PLAC1: variants seen among roughly 807,000 people sequenced by gnomAD.
The protein encoded by PLAC1 is placenta associated 1, also known as placenta-specific protein 1.
For synonymous variants in PLAC1, 68 were observed against 62.1 expected, an observed-to-expected ratio of 1.09 and a Z score of -0.44; for missense variants, 136 against 163.2, an observed-to-expected ratio of 0.83 and a Z score of 0.91.
intron 2 of PLAC1, among the ~76,000 whole-genome samples, chrX:134,700,498 A>G (rs749635375): frequency 1.8e-5 from 2 of 111,871 alleles, no homozygotes; most frequent in East Asian, 5.6e-4. Flanking sequence ...AAGAAGTCAA[A>G]CTATCTCTCT....
chrX:134,585,525 T>C (rs2077996037), intron 2 of PLAC1, among the ~76,000 whole-genome samples: 1 of 110,539 alleles, frequency 9.0e-6, no homozygotes, highest in African/African-American at 3.3e-5. Context: ...TATCTGTGAG[T>C]TGCTCTTTAT....
chrX:134,667,210 G>A (rs1165163499), intron 2 of PLAC1, among the ~76,000 whole-genome samples: 1 of 112,042 alleles, frequency 8.9e-6, no homozygotes, highest in African/African-American at 3.2e-5. Context: ...CTGCTTCAAA[G>A]CACACAACCA....
At chrX:134,689,617 T>C (rs536891851) in intron 2 of PLAC1, among the ~76,000 whole-genome samples, 4 of 111,151 alleles carry the variant, frequency 3.6e-5, no homozygotes, top group African/African-American at 1.3e-4. Context: ...ACTGACAGAG[T>C]TGGGAGACCT....
intron 2 of PLAC1, among the ~76,000 whole-genome samples, chrX:134,574,246 A>C (rs1272177777): frequency 9.0e-6 from 1 of 111,644 alleles, no homozygotes; most frequent in Non-Finnish European, 1.9e-5. Context: ...TCCTTTAAAA[A>C]TGGGGTCTTG....
At chrX:134,710,481 G>C (rs1202253353) in intron 2 of PLAC1, among the ~76,000 whole-genome samples, 1 of 111,760 alleles carries the variant, frequency 8.9e-6, no homozygotes, top group African/African-American at 3.2e-5. Context: ...ACATACTCTA[G>C]AGAAATTCCA....
At chrX:134,586,721 A>G (rs1602803343) in intron 2 of PLAC1, among the ~76,000 whole-genome samples, 1 of 87,287 alleles carries the variant, frequency 1.1e-5, no homozygotes, top group Non-Finnish European at 2.1e-5. Flanking sequence ...CCCAGGCTGG[A>G]GTGCAATGGC....
intron 1 of PLAC1, among the ~76,000 whole-genome samples, chrX:134,753,802 G>A (rs905428593): frequency 9.0e-6 from 1 of 111,520 alleles, no homozygotes; most frequent in African/African-American, 3.3e-5. Context: ...ACAAAGTGTT[G>A]AATCACACTC....
intron 2 of PLAC1, among the ~76,000 whole-genome samples, chrX:134,591,343 T>C (rs1055126567): frequency 6.2e-5 from 7 of 112,432 alleles, no homozygotes; most frequent in African/African-American, 1.6e-4. Context: ...TGCTACAAAA[T>C]TGAAATCACC....
At chrX:134,628,937 C>G (rs936294204) in intron 1 of PLAC1, among the ~76,000 whole-genome samples, 1 of 111,768 alleles carries the variant, frequency 8.9e-6, no homozygotes, top group East Asian at 2.8e-4. Context: ...TCGTTATATC[C>G]ACCCCCATAC....
intron 2 of PLAC1, among the ~76,000 whole-genome samples, chrX:134,730,668 C>T (rs1277990875): frequency 1.8e-5 from 2 of 111,035 alleles, no homozygotes; most frequent in Non-Finnish European, 3.8e-5. Context: ...AGGCTGGTCT[C>T]AAATTCCTGG....
At position 134,714,246 on chromosome X, in the gene PLAC1, T is replaced by C. The variant is rs115165014; in HGVS notation, n.174+19189A>G. 5.3e-3 allele frequency among the ~76,000 whole-genome samples: 591 copies of C among 110,892 alleles called. 3 individuals carry two copies. Among genetic ancestry groups the C allele is most frequent in the African/African-American group, 0.019 (582 of 30,469 alleles). On this transcript the variant is annotated intron_variant and non_coding_transcript_variant, in intron 2 of 2. Coordinates refer to the PLAC1 transcript ENST00000466797. ...TCAGAGCTGAAAAACCTCCAACTTT[T>C]GTATTTTTTGTTTTACACTGACAGC...
chrX:134,633,430 T>C (rs1004782188), intron 1 of PLAC1, among the ~76,000 whole-genome samples: 1 of 112,048 alleles, frequency 8.9e-6, no homozygotes, highest in East Asian at 2.8e-4. Context: ...AGTAGGCGTA[T>C]AGTTGGATAT....
At chrX:134,672,010 C>A (rs148502771) in intron 2 of PLAC1, among the ~76,000 whole-genome samples, 1,926 of 111,148 alleles carry the variant, frequency 0.017, 22 homozygotes, top group Non-Finnish European at 0.027. Flanking sequence ...GAATGGAAAC[C>A]CCAGGAGGGC....
chrX:134,709,075 G>A (rs886146524), intron 2 of PLAC1, among the ~76,000 whole-genome samples: 9 of 111,926 alleles, frequency 8.0e-5, no homozygotes. Flanking sequence ...TCAAAAAGGA[G>A]ATATATGCCA....
chrX:134,748,003 C>G (rs973537216), intron 1 of PLAC1, among the ~76,000 whole-genome samples: 1 of 112,035 alleles, frequency 8.9e-6, no homozygotes, highest in African/African-American at 3.2e-5. Context: ...GCCAGGTTCT[C>G]TCTGTGCTAT....
intron 1 of PLAC1, among the ~76,000 whole-genome samples, chrX:134,649,762 G>C (rs1448640003): frequency 8.9e-6 from 1 of 112,319 alleles, no homozygotes; most frequent in Admixed American, 9.4e-5. Flanking sequence ...CAGATAAGAA[G>C]TGCTGGGCCT....
At chrX:134,652,180 G>A (rs764871198) in intron 1 of PLAC1, among the ~76,000 whole-genome samples, 2 of 111,649 alleles carry the variant, frequency 1.8e-5, no homozygotes, top group Admixed American at 9.5e-5. Flanking sequence ...AGGCAGACTC[G>A]GAAAAGAGCT....
intron 2 of PLAC1, among the ~76,000 whole-genome samples, chrX:134,587,514 G>A (rs1425737165): frequency 9.0e-6 from 1 of 110,843 alleles, no homozygotes; most frequent in Non-Finnish European, 1.9e-5. Flanking sequence ...CTGGGATTTC[G>A]AGGCTGCAGT....
chrX:134,671,018 A>T (rs1040098516), intron 2 of PLAC1, among the ~76,000 whole-genome samples: 1 of 111,666 alleles, frequency 9.0e-6, no homozygotes, highest in Non-Finnish European at 1.9e-5. Flanking sequence ...TGTTAAAAAA[A>T]TTTTTAACCC....
Sources: gnomAD v4.1 joint callset for allele counts (sites outside exome capture counted in the v4.1 genomes callset) on GRCh38, gnomAD v4.1.1 for gene constraint, MANE v1.5 for transcripts, NCBI Gene and HGNC (gene_info 2026-07-23, HGNC 2026-07-21) for gene names.